ENTREP2: variants seen among roughly 807,000 people sequenced by gnomAD.
ENTREP2 encodes protein ENTREP2.
chr15:29,657,475 T>TGCGGGGGCAGGGCGGGGCGG, the ENTREP2 span, among the ~76,000 whole-genome samples: 2 of 3,804 alleles, frequency 5.3e-4, no homozygotes, highest in East Asian at 6.0e-3. Flanking sequence ...CGCTGTCGGC[T>TGCGGGGGCAGGGCGGGGCGG]GGGGGGGCGG....
chr15:29,549,609 C>A, the ENTREP2 span, among the ~76,000 whole-genome samples: 1,686 of 152,268 alleles, frequency 0.011, 34 homozygotes, highest in African/African-American at 0.038. Context: ...CAAGAGTTCA[C>A]AGACTAGTGC....
chr15:29,579,730 A>T, the ENTREP2 span, among the ~76,000 whole-genome samples: 1 of 64,212 alleles, frequency 1.6e-5, no homozygotes, highest in East Asian at 3.8e-4. Context: ...TTTTTTTTTG[A>T]GACGGAGTCT....
chr15:29,615,248 C>T, the ENTREP2 span, among the ~76,000 whole-genome samples: 3 of 151,886 alleles, frequency 2.0e-5, no homozygotes, highest in Admixed American at 6.6e-5. Context: ...CTCTGCCTTC[C>T]GGGTTCAAGC....
chr15:29,456,927 G>C, the ENTREP2 span, among the ~76,000 whole-genome samples: 1 of 152,168 alleles, frequency 6.6e-6, no homozygotes, highest in Non-Finnish European at 1.5e-5. Flanking sequence ...GAAGGCATAG[G>C]GGCCAATCTG....
chr15:29,527,152 A>T, the ENTREP2 span, among the ~76,000 whole-genome samples: 1 of 152,114 alleles, frequency 6.6e-6, no homozygotes, highest in African/African-American at 2.4e-5. Flanking sequence ...AATACTGAGG[A>T]AATTCCTCAT....
chr15:29,570,675 G>C, the ENTREP2 span: 12 of 1,189,346 alleles, frequency 1.0e-5, 1 homozygote, highest in South Asian at 4.8e-4. Flanking sequence ...GACAGGCTGC[G>C]GGGCAGCGCG....
At chr15:29,123,454 C>A in the ENTREP2 span, 3 of 1,551,542 alleles carry the variant, frequency 1.9e-6, no homozygotes, top group South Asian at 3.6e-5. Flanking sequence ...GGGGAGGGCA[C>A]AGTGTGAGTG....
At chr15:29,206,844 C>T in the ENTREP2 span, among the ~76,000 whole-genome samples, 1 of 152,136 alleles carries the variant, frequency 6.6e-6, no homozygotes, top group Admixed American at 6.5e-5. Flanking sequence ...TACCACCACA[C>T]GTAATTACTA....
chr15:29,456,244 C>A, the ENTREP2 span, among the ~76,000 whole-genome samples: 16 of 152,232 alleles, frequency 1.1e-4, no homozygotes, highest in East Asian at 3.1e-3. Flanking sequence ...TAAATCTTGA[C>A]CCAATACCAT....
the ENTREP2 span, among the ~76,000 whole-genome samples, chr15:29,551,212 G>A: frequency 1.3e-5 from 2 of 152,128 alleles, no homozygotes; most frequent in African/African-American, 4.8e-5. Flanking sequence ...TAGAGCTCAG[G>A]CATATGGCTT....
At chr15:29,379,375 G>A in the ENTREP2 span, among the ~76,000 whole-genome samples, 1 of 152,170 alleles carries the variant, frequency 6.6e-6, no homozygotes, top group African/African-American at 2.4e-5. Flanking sequence ...TCAGGAGGTT[G>A]CTCCAGCAAT....
the ENTREP2 span, among the ~76,000 whole-genome samples, chr15:29,583,694 T>C: frequency 2.6e-4 from 39 of 152,182 alleles, no homozygotes; most frequent in African/African-American, 8.2e-4. Flanking sequence ...TAAACTATCA[T>C]CAATGTGCAA....
chr15:29,488,754 G>A, the ENTREP2 span, among the ~76,000 whole-genome samples: 1 of 152,210 alleles, frequency 6.6e-6, no homozygotes, highest in Non-Finnish European at 1.5e-5. Context: ...GGGACCAGAA[G>A]GCAATGAAAT....
the ENTREP2 span, among the ~76,000 whole-genome samples, chr15:29,337,659 GA>G: frequency 6.6e-6 from 1 of 152,192 alleles, no homozygotes; most frequent in African/African-American, 2.4e-5. Flanking sequence ...CCATCAGGAA[GA>G]AAGTTAAAGA....
the ENTREP2 span, among the ~76,000 whole-genome samples, chr15:29,413,592 T>A: frequency 6.6e-6 from 1 of 152,172 alleles, no homozygotes; most frequent in Non-Finnish European, 1.5e-5. Flanking sequence ...AATCTACAAT[T>A]TCCAAACTAC....
the ENTREP2 span, among the ~76,000 whole-genome samples, chr15:29,207,898 G>A: frequency 6.6e-6 from 1 of 152,096 alleles, no homozygotes; most frequent in South Asian, 2.1e-4. Flanking sequence ...GGATGGGCGT[G>A]TCACTGAGGG....
At chr15:29,213,682 A>G in the ENTREP2 span, among the ~76,000 whole-genome samples, 1 of 152,060 alleles carries the variant, frequency 6.6e-6, no homozygotes, top group Admixed American at 6.5e-5. Flanking sequence ...GCTTAAGGAG[A>G]TTTTGGGCTG....
chr15:29,407,939 C>T, the ENTREP2 span, among the ~76,000 whole-genome samples: 220 of 152,242 alleles, frequency 1.4e-3, no homozygotes, highest in African/African-American at 5.1e-3. Flanking sequence ...CTCGGCCTCC[C>T]AAAGTGCTGG....
the ENTREP2 span, among the ~76,000 whole-genome samples, chr15:29,351,804 C>T: frequency 1.3e-5 from 2 of 148,776 alleles, no homozygotes; most frequent in Admixed American, 6.7e-5. Context: ...CCACCACACA[C>T]AGCTTTTTTA....
Sources: allele counts gnomAD v4.1 joint callset (sites outside exome capture counted in the v4.1 genomes callset), GRCh38; gene constraint gnomAD v4.1.1; transcripts MANE v1.5; gene names NCBI Gene and HGNC (gene_info 2026-07-23, HGNC 2026-07-21).